SENP3: variants seen among roughly 807,000 people sequenced by gnomAD.
SENP3 encodes the protein sentrin-specific protease 3.
In SENP3, 11 loss-of-function variants were observed where a neutral mutation model predicts 66.2. The ratio of observed to expected loss-of-function variants is 0.17; its 90% CI spans 0.10 to 0.28. The LOEUF is 0.28. Among genes scored for constraint, SENP3 ranks in the 10% least tolerant of loss-of-function variants. The pLI is 1.00. For synonymous variants in SENP3, 292 were observed against 277.6 expected (o/e 1.05, Z -0.52); for missense variants, 548 against 743.7 (o/e 0.74, Z 3.06).
chr17:7,567,070 T>C, intron 7 of SENP3, 66 bp downstream of exon 7: 1 of 1,051,784 alleles, frequency 9.5e-7, no homozygotes, highest in East Asian at 2.6e-5. Flanking sequence ...TCTTGTTTTC[T>C]CTGAGCCCTT....
Position 7,571,630 on chromosome 17 carries a change from T to G in SENP3, c.*147T>G. ...TTTAAATGTTTCAATTTCTGTATTTTTTTTTCTTTGAGAGAATACTTGTTG... is the reference window on the plus strand; with the variant it reads ...TTTAAATGTTTCAATTTCTGTATTTGTTTTTCTTTGAGAGAATACTTGTTG... On this transcript the variant is annotated 3_prime_UTR_variant, in exon 11 of 11. Transcript: ENST00000321337. 1.7e-6 allele frequency: 1 copy of G among 585,412 alleles called. No homozygotes were observed. The highest frequency in any genetic ancestry group is 3.0e-6 in the Non-Finnish European group (1 of 332,116). 36.3% of individuals were successfully genotyped at this position (585,412 alleles called of 1,614,324 possible). A position where few individuals can be genotyped will look rare whatever the true frequency, so the allele number is the denominator to read the frequency against.
rs2071218988 is a variant in SENP3, at chr17:7,562,019, TGGCGGC to T, written c.-253_-248del. On this transcript the variant is annotated 5_prime_UTR_variant, in exon 1 of 11. Coordinates refer to ENST00000321337, the MANE Select transcript of SENP3 (RefSeq NM_015670.6). This position sits in a 1 kb window ranked among gnomAD's most constrained non-coding sequence, Gnocchi z 5.0. Reference sequence around the variant, plus strand: ...GTGGCGGCGGCGGCGGTGGCGCTGGTGGCGGCGGTGGCGGAGGTGGAGGTGGAGGTG... The same window carrying T: ...GTGGCGGCGGCGGCGGTGGCGCTGGTGGTGGCGGAGGTGGAGGTGGAGGTG... The T allele has an allele frequency of 2.5e-6, 1 of 397,648 alleles. No individual in the cohort carries two copies. Among genetic ancestry groups the T allele is most frequent in the African/African-American group, 2.1e-5 (1 of 48,050 alleles). 24.6% of individuals were successfully genotyped at this position (397,648 alleles called of 1,614,324 possible). A position where few individuals can be genotyped will look rare whatever the true frequency, so the allele number is the denominator to read the frequency against.
In SENP3 at chr17:7,565,703, C is replaced by T. The variant is rs761835689; in HGVS notation, c.1216-14C>T. On this transcript the variant is annotated splice_polypyrimidine_tract_variant and intron_variant, in intron 5 of 10. Coordinates refer to ENST00000321337, the MANE Select transcript of SENP3 (RefSeq NM_015670.6). ...GCACCCTCCATGGCAAGCTGCCTCC[C>T]ATCTTCTCCCCAGGTGATGAACATG... The T allele has an allele frequency of 4.3e-6, 7 of 1,613,840 alleles. No homozygotes were observed. In the African/African-American group the frequency reaches 8.0e-5, roughly 18 times the overall value.
rs774437380 is a variant in SENP3 at position 7,563,093 on chromosome 17, A to G, written c.17A>G (p.Gln6Arg). Residue 6 changes from glutamine to arginine, a missense_variant, in exon 2 of 11, where the codon CAA (glutamine) becomes CGA (arginine). Physicochemically the swap from Gln to Arg is conservative, Grantham distance 43. Around this residue, in one of 6 missense-constraint regions of SENP3, gnomAD observed 164 missense variants for 167.9 expected, o/e 0.98. Transcript: ENST00000321337. Reference sequence around the variant, plus strand: ...TACTGGAAGATGAAAGAGACTATACAAGGGACCGGGTCCTGGGGGCCTGAG... The same window carrying G: ...TACTGGAAGATGAAAGAGACTATACGAGGGACCGGGTCCTGGGGGCCTGAG... MKETI[Q>R]GTGSWGPEPP... 1 of 1,514,004 alleles carries G rather than the reference A, an allele frequency of 6.6e-7. No individual in the cohort carries two copies. Among genetic ancestry groups the G allele is most frequent in the East Asian group, 2.3e-5 (1 of 43,602 alleles). The allele number at this position is 1,514,004 out of a possible 1,614,324, so 93.8% of individuals were successfully genotyped here.
intron 4 of SENP3, 77 bp from the exon 5 acceptor site, chr17:7,565,363 A>G: frequency 6.5e-7 from 1 of 1,535,882 alleles, no homozygotes; most frequent in Non-Finnish European, 8.9e-7. Context: ...TAGAATTTGT[A>G]TTCCAGGGAG....
intron 10 of SENP3, 115 bp downstream of exon 10, chr17:7,571,048 A>ATCTGTT: frequency 1.1e-6 from 1 of 925,664 alleles, no homozygotes; most frequent in Non-Finnish European, 1.6e-6. Flanking sequence ...GCAGGAAGTA[A>ATCTGTT]TCTGTTTTAG....
intron 4 of SENP3, 45 bp downstream of exon 4, chr17:7,565,115 G>T: frequency 1.4e-6 from 2 of 1,389,142 alleles, no homozygotes; most frequent in Non-Finnish European, 2.0e-6. Flanking sequence ...GGGGCCTTGG[G>T]GATGTGGAGA....
chr17:7,571,336 CG>C (rs764776352), intron 10 of SENP3, 36 bp from the exon 11 acceptor site: 6 of 1,446,730 alleles, frequency 4.1e-6, no homozygotes, highest in Non-Finnish European at 5.8e-6. Context: ...GGTCCTGACA[CG>C]GGGGGTTTCT....
Position 7,566,986 on chromosome 17 carries a change from G to A in SENP3, c.1323G>A (p.Val441=). The change falls in exon 7 of 11, where the codon GTG becomes GTA. Residue 441 remains valine, a synonymous_variant. Coordinates refer to ENST00000321337, the MANE Select transcript of SENP3 (RefSeq NM_015670.6). ...TCCGTACCAAGGGTTATGATGGGGT[G>A]AAAAGGTGGACCAAAAACGTGAGTT... The part of the protein sequence containing the change: ...DKLRTKGYDG[V]KRWTKNVDIF... 6.4e-7 allele frequency: 1 copy of A among 1,567,290 alleles called. No individual in the cohort carries two copies. Among genetic ancestry groups the A allele is most frequent in the Non-Finnish European group, 8.7e-7 (1 of 1,154,194 alleles).
chr17:7,566,135 A>G (rs1387867521), intron 6 of SENP3: 1 of 184,890 alleles, frequency 5.4e-6, no homozygotes, highest in Non-Finnish European at 1.2e-5. Flanking sequence ...TGAGGTCGGG[A>G]GTTCAAGACC....
rs2071258757 is a variant in SENP3 at position 7,565,272 on chromosome 17, G to C, written c.1068-168G>C. The stretch of plus-strand genomic sequence containing the variant: ...GACCCTGAAATGTTCTACCTGAGTA[G>C]TCATGTTTATCTTTCTGGGGAGTGG... On this transcript the variant is annotated intron_variant, in intron 4 of 10. Coordinates refer to ENST00000321337, the MANE Select transcript of SENP3 (RefSeq NM_015670.6). 14 of 861,458 alleles carry C rather than the reference G, an allele frequency of 1.6e-5. No homozygotes were observed. In the South Asian group the frequency reaches 2.4e-4, roughly 15 times the overall value. The allele number at this position is 861,458 out of a possible 1,614,324, so 53.4% of individuals were successfully genotyped here. A position where few individuals can be genotyped will look rare whatever the true frequency, so the allele number is the denominator to read the frequency against.
At position 7,571,428 on chromosome 17, in the gene SENP3, C is replaced by A; in HGVS notation, c.1670C>A (p.Pro557His). The change falls in exon 11 of 11, where the codon CCC (proline) becomes CAC (histidine). Residue 557 changes from proline to histidine, a missense_variant. Transcript: ENST00000321337. Reference sequence around the variant, plus strand: ...TTCAGCTTCACCCAGCAGGACATGCCCAAACTTCGTCGGCAGATCTACAAG... The same window carrying A: ...TTCAGCTTCACCCAGCAGGACATGCACAAACTTCGTCGGCAGATCTACAAG... Reference protein sequence around the residue: ...QPFSFTQQDMPKLRRQIYKEL... With the variant: ...QPFSFTQQDMHKLRRQIYKEL... 1.2e-6 allele frequency: 2 copies of A among 1,608,380 alleles called. No homozygotes were observed. The highest frequency in any genetic ancestry group is 1.7e-5 in the Admixed American group (1 of 59,188).
At position 7,563,601 on chromosome 17, in the gene SENP3, G is replaced by A. The variant is rs1276248389; in HGVS notation, c.525G>A (p.Ala175=). The part of the protein sequence containing the change: ...KNHLSPQQGG[A]TPQVPSPCCR... The stretch of plus-strand genomic sequence containing the variant: ...ATCTTTCACCCCAGCAAGGGGGTGC[G>A]ACGCCACAGGTGCCATCCCCCTGTT... Residue 175 remains alanine, a synonymous_variant, in exon 2 of 11, where the codon GCG becomes GCA. Coordinates refer to ENST00000321337, the MANE Select transcript of SENP3 (RefSeq NM_015670.6). The A allele has an allele frequency of 3.2e-6, 5 of 1,579,414 alleles. No homozygotes were observed. Among genetic ancestry groups the A allele is most frequent in the Non-Finnish European group, 4.3e-6 (5 of 1,164,066 alleles).
In SENP3 at chr17:7,571,910, A is replaced by AAATAT. The variant is rs2071328471; in HGVS notation, c.*429_*430insTATAA. ...ATATATATATATATATATATATATA[A>AAATAT]AAATATATAAATGCCACGGTCCTGC... is the stretch of plus-strand genomic sequence containing the variant. On this transcript the variant is annotated 3_prime_UTR_variant, in exon 11 of 11. Coordinates refer to ENST00000321337, the MANE Select transcript of SENP3 (RefSeq NM_015670.6). The AAATAT allele has an allele frequency of 2.0e-4, 5 of 25,318 alleles. 2 individuals carry two copies. Among genetic ancestry groups the AAATAT allele is most frequent in the Non-Finnish European group, 2.2e-4 (3 of 13,910 alleles). The allele number at this position is 25,318 out of a possible 1,614,324, so 1.6% of individuals were successfully genotyped here. A position where few individuals can be genotyped will look rare whatever the true frequency, so the allele number is the denominator to read the frequency against.
Position 7,563,412 on chromosome 17 carries a change from C to A in SENP3, c.336C>A (p.Arg112=), listed in dbSNP as rs1320042824. The stretch of plus-strand genomic sequence containing the variant: ...AGCTGGGAACCTCCCAGCGGCCCCG[C>A]CCTTCCCGCCCCACTCATCGAAAAA... ...WSQLGTSQRP[R]PSRPTHRKTC... The change falls in exon 2 of 11, where the codon CGC becomes CGA. Residue 112 remains arginine (R), a synonymous_variant. Transcript: ENST00000321337. The A allele has an allele frequency of 7.1e-7, 1 of 1,401,268 alleles. No homozygotes were observed. Among genetic ancestry groups the A allele is most frequent in the South Asian group, 1.2e-5 (1 of 81,200 alleles). 86.8% of individuals were successfully genotyped at this position (1,401,268 alleles called of 1,614,324 possible).
rs58537439 is a variant in SENP3 at position 7,571,837 on chromosome 17, TTATATATATATATATATATATATATA to T, written c.*401_*426del. 45 of 30,486 alleles carry T rather than the reference TTATATATATATATATATATATATATA, an allele frequency of 1.5e-3. No individual in the cohort carries two copies. The highest frequency in any genetic ancestry group is 4.9e-3 in the East Asian group (5 of 1,016). 1.9% of individuals were successfully genotyped at this position (30,486 alleles called of 1,614,324 possible). On this transcript the variant is annotated 3_prime_UTR_variant, in exon 11 of 11. Transcript: ENST00000321337. ...CACTGCCTGCCAGATCTTCAAACTT[TTATATATATATATATATATATATATA>T]TATATATATATATATATATATATAT...
In SENP3 at chr17:7,563,394, A is replaced by C; in HGVS notation, c.318A>C (p.Gly106=). The part of the protein sequence containing the change: ...WRLPPRWSQL[G]TSQRPRPSRP... ...TGCCCCCAAGATGGAGTCAGCTGGG[A>C]ACCTCCCAGCGGCCCCGCCCTTCCC... is the stretch of plus-strand genomic sequence containing the variant. The change falls in exon 2 of 11, where the codon GGA becomes GGC. Residue 106 remains glycine, a synonymous_variant. Transcript: ENST00000321337. 6.4e-7 allele frequency: 1 copy of C among 1,551,066 alleles called. No homozygotes were observed. The highest frequency in any genetic ancestry group is 8.7e-7 in the Non-Finnish European group (1 of 1,146,990).
At chr17:7,566,859 A>G in intron 6 of SENP3, 68 bp from the exon 7 acceptor site, 3 of 1,098,844 alleles carry the variant, frequency 2.7e-6, no homozygotes, top group Non-Finnish European at 4.1e-6. Context: ...TGGACTGAGG[A>G]GGGGAGACTT....
In SENP3 at chr17:7,562,614, C is replaced by A. The variant is rs1368584435; in HGVS notation, c.-12+351C>A. 6.6e-6 allele frequency among the ~76,000 whole-genome samples: 1 copy of A among 152,256 alleles called. No homozygotes were observed. The highest frequency in any genetic ancestry group is 1.9e-4 in the East Asian group (1 of 5,206). On this transcript the variant is annotated intron_variant, in intron 1 of 10. Transcript: ENST00000321337. This position sits in a 1 kb window ranked among gnomAD's most constrained non-coding sequence, Gnocchi z 5.0. ...GATGACCGCAGCCTTCCCATGCCCC[C>A]CGTTCATCCAGGGTGTTAGAGAACT...
Sources: gnomAD v4.1 joint callset for allele counts (sites outside exome capture counted in the v4.1 genomes callset) on GRCh38, gnomAD v4.1.1 for gene constraint, gnomAD v4.1.1 regional missense constraint, Gnocchi (gnomAD v3.1) non-coding constraint, MANE v1.5 for transcripts, NCBI Gene and HGNC (gene_info 2026-07-23, HGNC 2026-07-21) for gene names.